CELF1: variants seen among roughly 807,000 people sequenced by gnomAD.
CELF1 encodes the protein 50 kDa nuclear polyadenylated RNA-binding protein.
CELF1 carries 10 observed loss-of-function variants against 61.8 expected under a neutral mutation model. That is an observed-to-expected ratio of 0.16 (90% CI 0.10 to 0.27). The LOEUF is 0.27. Among genes scored for constraint, CELF1 ranks in the 10% least tolerant of loss-of-function variants. CELF1 has a pLI of 1.00. For missense variants in CELF1, 380 were observed against 639.1 expected, an observed-to-expected ratio of 0.59 and a Z score of 4.37; for synonymous variants, 236 against 225.1, an observed-to-expected ratio of 1.05 and a Z score of -0.43.
At chr11:47,548,908 T>C (rs1020902577) in intron 1 of CELF1, among the ~76,000 whole-genome samples, 4 of 148,944 alleles carry the variant, frequency 2.7e-5, no homozygotes, top group African/African-American at 9.9e-5. Context: ...AAAGAACTTC[T>C]ATAATTCAAC....
At chr11:47,514,207 G>A (rs990925691) in intron 1 of CELF1, among the ~76,000 whole-genome samples, 1 of 152,124 alleles carries the variant, frequency 6.6e-6, no homozygotes, top group African/African-American at 2.4e-5. Flanking sequence ...TTACAGGCAT[G>A]AGCCACCATG....
chr11:47,558,676 T>A (rs1255376469), intron 2 of CELF1, among the ~76,000 whole-genome samples: 1 of 114,786 alleles, frequency 8.7e-6, no homozygotes, highest in African/African-American at 3.4e-5. Context: ...TAATATAATA[T>A]GTAATATATT....
intron 1 of CELF1, among the ~76,000 whole-genome samples, chr11:47,512,521 G>A (rs1258654249): frequency 3.6e-5 from 5 of 138,720 alleles, no homozygotes; most frequent in African/African-American, 8.1e-5. Context: ...TGTATTTTTA[G>A]TAGAGACAGA....
intron 13 of CELF1, among the ~76,000 whole-genome samples, chr11:47,473,879 A>C (rs1401893482): frequency 6.6e-6 from 1 of 152,082 alleles, no homozygotes; most frequent in African/African-American, 2.4e-5. Flanking sequence ...TCTTCATCTG[A>C]CTATTTACAC....
At chr11:47,520,929 ACTTGG>A (rs1210721818) in intron 1 of CELF1, among the ~76,000 whole-genome samples, 1 of 152,172 alleles carries the variant, frequency 6.6e-6, no homozygotes, top group African/African-American at 2.4e-5. Flanking sequence ...CAAACTTGTT[ACTTGG>A]CTTGCTGTTC....
intron 1 of CELF1, among the ~76,000 whole-genome samples, chr11:47,543,591 T>C (rs1780062858): frequency 6.6e-6 from 1 of 152,206 alleles, no homozygotes; most frequent in African/African-American, 2.4e-5. Flanking sequence ...CAAAGTTATT[T>C]TACAAAGGTC....
chr11:47,492,591 G>C (rs1458938218), intron 3 of CELF1, among the ~76,000 whole-genome samples: 1 of 152,166 alleles, frequency 6.6e-6, no homozygotes, highest in African/African-American at 2.4e-5. Context: ...AATTAGCTGG[G>C]TGTGGTGGCG....
intron 11 of CELF1, 47 bp downstream of exon 11, chr11:47,477,250 A>G (rs1469583040): frequency 1.2e-6 from 2 of 1,603,524 alleles, no homozygotes; most frequent in African/African-American, 1.3e-5. Flanking sequence ...AACACAAAGC[A>G]TCTGTCCAAG....
At chr11:47,524,631 G>C (rs2096142414) in intron 1 of CELF1, 1 of 152,248 alleles carries the variant, frequency 6.6e-6, no homozygotes, top group African/African-American at 2.4e-5. Flanking sequence ...GAGCAGGTCT[G>C]AGCCGGTGCG....
At position 47,475,413 on chromosome 11, in the gene CELF1, G is replaced by C. The variant is rs2153384481; in HGVS notation, c.1196C>G (p.Ala399Gly). 1 of 1,614,148 alleles carries C rather than the reference G, an allele frequency of 6.2e-7. No homozygotes were observed. The highest frequency in any genetic ancestry group is 1.1e-5 in the South Asian group (1 of 91,084). ...QAYSGIQQYA[A>G]AALPTLYNQN... is the part of the protein sequence containing the mutation. ...GTTGTACAGAGTGGGGAGCGCAGCA[G>C]CAGCATATTGCTGGATACCCGAGTA... is the stretch of plus-strand genomic sequence containing the variant. The change falls in exon 13 of 15, where the codon GCT becomes GGT. Residue 399 changes from alanine to glycine, a missense_variant. Coordinates refer to ENST00000687097, the MANE Select transcript of CELF1 (RefSeq NM_001376376.1).
chr11:47,517,953 T>C (rs1392482437), intron 1 of CELF1, among the ~76,000 whole-genome samples: 1 of 152,206 alleles, frequency 6.6e-6, no homozygotes, highest in African/African-American at 2.4e-5. Context: ...CTGAAAATTT[T>C]TTTAAAGAAA....
chr11:47,503,386 C>T (rs539054469), intron 1 of CELF1, among the ~76,000 whole-genome samples: 2 of 152,202 alleles, frequency 1.3e-5, no homozygotes, highest in South Asian at 2.1e-4. Flanking sequence ...AGTTCTACAA[C>T]AGGTGAACAG....
chr11:47,519,863 A>G (rs1204795948), intron 1 of CELF1, among the ~76,000 whole-genome samples: 2 of 142,158 alleles, frequency 1.4e-5, no homozygotes, highest in Non-Finnish European at 3.1e-5. Context: ...ACTCCGTCTC[A>G]AAAAAAAAAA....
intron 9 of CELF1, among the ~76,000 whole-genome samples, chr11:47,481,177 T>A (rs1483750968): frequency 7.4e-6 from 1 of 135,372 alleles, no homozygotes; most frequent in Non-Finnish European, 1.6e-5. Context: ...AATGGTGCGA[T>A]CTTGGCTCAC....
In CELF1 at chr11:47,467,484, G is replaced by C. The variant is rs1375745316; in HGVS notation, c.*4746C>G. On this transcript the variant is annotated 3_prime_UTR_variant, in exon 15 of 15. Coordinates refer to ENST00000687097, the MANE Select transcript of CELF1 (RefSeq NM_001376376.1). ...AGCTGTGATGAAGAGCCAGTGCCGG[G>C]TGGCTGGTGCCCAGGGCTGTAAACA... The C allele has an allele frequency of 1.3e-5, 2 of 152,330 alleles. No homozygotes were observed. Among genetic ancestry groups the C allele is most frequent in the African/African-American group, 4.8e-5 (2 of 41,460 alleles). The allele number at this position is 152,330 out of a possible 1,614,324, so 9.4% of individuals were successfully genotyped here. A position where few individuals can be genotyped will look rare whatever the true frequency, so the allele number is the denominator to read the frequency against.
At chr11:47,526,991 C>T (rs894034061) in intron 1 of CELF1, among the ~76,000 whole-genome samples, 1 of 151,604 alleles carries the variant, frequency 6.6e-6, no homozygotes, top group African/African-American at 2.4e-5. Flanking sequence ...GCAGAGGTTG[C>T]AGTCAGCCGA....
At chr11:47,555,941 A>C (rs1565919985), upstream of CELF1, among the ~76,000 whole-genome samples, 1 of 147,802 alleles carries the variant, frequency 6.8e-6, no homozygotes. Context: ...CGGTGGTTGC[A>C]GTGAGTCGAG....
At chr11:47,498,757 T>A (rs1316688908) in intron 3 of CELF1, among the ~76,000 whole-genome samples, 1 of 152,214 alleles carries the variant, frequency 6.6e-6, no homozygotes, top group Non-Finnish European at 1.5e-5. Flanking sequence ...GCATTTTGGC[T>A]GTGTACAACA....
intron 13 of CELF1, among the ~76,000 whole-genome samples, chr11:47,474,572 C>A (rs1035162001): frequency 6.6e-6 from 1 of 152,206 alleles, no homozygotes; most frequent in Non-Finnish European, 1.5e-5. Context: ...TATTGGTTCA[C>A]GCTACATTCT....
Sources: allele counts gnomAD v4.1 joint callset (sites outside exome capture counted in the v4.1 genomes callset), GRCh38; gene constraint gnomAD v4.1.1; transcripts MANE v1.5; gene names NCBI Gene and HGNC (gene_info 2026-07-23, HGNC 2026-07-21).